PCDHGA5: variants seen among roughly 807,000 people sequenced by gnomAD.
PCDHGA5 encodes protocadherin gamma subfamily A, 5.
PCDHGA5 carries 36 observed loss-of-function variants against 56.7 expected under a neutral mutation model. That is an observed-to-expected ratio of 0.64 (90% confidence interval 0.49 to 0.84). The LOEUF (loss-of-function observed/expected upper bound fraction) is 0.84. PCDHGA5 is among the 40% of genes least tolerant of loss of function. The pLI is 0.00. For missense variants in PCDHGA5, 1,305 were observed against 1,201.5 expected (o/e 1.09, Z -1.27); for synonymous variants, 563 against 520.2 (o/e 1.08, Z -1.12).
At chr5:141,372,217 T>C (rs1267940459) in intron 1 of PCDHGA5, 1 of 1,613,446 alleles carries the variant, frequency 6.2e-7, no homozygotes, top group African/African-American at 1.3e-5. Context: ...TCCTACCACA[T>C]TGTGCAGGCC....
At chr5:141,452,554 G>A (rs2098744143) in intron 1 of PCDHGA5, among the ~76,000 whole-genome samples, 1 of 152,140 alleles carries the variant, frequency 6.6e-6, no homozygotes, top group Admixed American at 6.5e-5. Context: ...TCCAGTTCTG[G>A]TTCTTCCTAG....
At chr5:141,409,972 G>A in intron 1 of PCDHGA5, 1 of 1,613,374 alleles carries the variant, frequency 6.2e-7, no homozygotes, top group South Asian at 1.1e-5. Context: ...TAGTGACTAA[G>A]GTGGTAGCGG....
At chr5:141,465,894 G>A (rs970043849) in intron 1 of PCDHGA5, among the ~76,000 whole-genome samples, 1 of 152,098 alleles carries the variant, frequency 6.6e-6, no homozygotes, top group Non-Finnish European at 1.5e-5. Flanking sequence ...AGGCCGAGGC[G>A]GGCAAATCAC....
intron 1 of PCDHGA5, chr5:141,412,746 C>T (rs2095574250): frequency 6.5e-6 from 1 of 154,106 alleles, no homozygotes; most frequent in Non-Finnish European, 1.4e-5. Context: ...ATATATTTAA[C>T]CAAACATTAT....
chr5:141,428,587 G>C (rs914718913), intron 1 of PCDHGA5: 6 of 226,650 alleles, frequency 2.6e-5, no homozygotes, highest in Non-Finnish European at 5.3e-5. Flanking sequence ...AGTTTCTCTG[G>C]TAGCAAGCTT....
intron 1 of PCDHGA5, chr5:141,415,519 A>T: frequency 1.9e-6 from 3 of 1,614,182 alleles, no homozygotes; most frequent in Non-Finnish European, 2.5e-6. Context: ...TTATGCGGAC[A>T]CGCTCATCAG....
chr5:141,393,498 C>T lies in PCDHGA5; in HGVS notation c.2421+26747C>T, dbSNP rs780199451. The T allele has an allele frequency of 3.1e-6, 5 of 1,613,952 alleles. No homozygotes were observed. The highest frequency in any genetic ancestry group is 1.6e-4 in the Middle Eastern group (1 of 6,084). ...GCCTCGCTCTAGCACAGTGCGCATC[C>T]ACGTGACAGTGTTGGATACAAATGA... On this transcript the variant is annotated intron_variant, in intron 1 of 3. Transcript: ENST00000518069.
At position 141,390,023 on chromosome 5, in the gene PCDHGA5, G is replaced by C. The variant is rs2092020127; in HGVS notation, c.2421+23272G>C. ...TGATTCTGGCCATTGCCTTGCGCCT[G>C]CGACGCTCCTCCAGCCCCGCCTCCT... On this transcript the variant is annotated intron_variant, in intron 1 of 3. Transcript: ENST00000518069. The C allele has an allele frequency of 1.9e-6, 3 of 1,613,908 alleles. No individual in the cohort carries two copies. In the African/African-American group the frequency reaches 4.0e-5, roughly 22 times the overall value.
At chr5:141,494,772 G>C in intron 1 of PCDHGA5, 35 bp from the exon 2 acceptor site, 1 of 1,613,982 alleles carries the variant, frequency 6.2e-7, no homozygotes, top group Non-Finnish European at 8.5e-7. Context: ...ACTTCTCACG[G>C]GTACTCAGCC....
intron 1 of PCDHGA5, chr5:141,410,118 G>C: frequency 1.2e-6 from 2 of 1,612,422 alleles, no homozygotes; most frequent in African/African-American, 2.7e-5. Flanking sequence ...GACGCAGCCC[G>C]CCAGCGCCTG....
At chr5:141,371,687 G>T in intron 1 of PCDHGA5, 1 of 1,614,014 alleles carries the variant, frequency 6.2e-7, no homozygotes, top group Non-Finnish European at 8.5e-7. Flanking sequence ...GCAATCCACC[G>T]CTCTCCTCCA....
At chr5:141,376,518 T>G in intron 1 of PCDHGA5, 1 of 1,613,924 alleles carries the variant, frequency 6.2e-7, no homozygotes, top group Non-Finnish European at 8.5e-7. Context: ...GTGAGTTTCT[T>G]TCCGCCTAAG....
chr5:141,503,654 G>C (rs1248501987), intron 2 of PCDHGA5, among the ~76,000 whole-genome samples: 1 of 150,388 alleles, frequency 6.6e-6, no homozygotes, highest in Non-Finnish European at 1.5e-5. Flanking sequence ...AATGGAAACA[G>C]AATTACAACT....
rs1241912384 is a variant in PCDHGA5 at position 141,404,765 on chromosome 5, T to C, written c.2421+38014T>C. ...AGACTCAGGCCAGAATGCTTGGCTC[T>C]CCTACCGCCTATTCAAGGCCAGTGA... On this transcript the variant is annotated intron_variant, in intron 1 of 3. Coordinates refer to ENST00000518069, the MANE Select transcript of PCDHGA5 (RefSeq NM_018918.3). 2.5e-6 allele frequency: 4 copies of C among 1,613,120 alleles called. No individual in the cohort carries two copies. The Admixed American group carries it at 6.7e-5, about 27-fold the overall frequency.
chr5:141,386,917 T>C (rs535277219), intron 1 of PCDHGA5, among the ~76,000 whole-genome samples: 1 of 152,302 alleles, frequency 6.6e-6, no homozygotes, highest in Non-Finnish European at 1.5e-5. Flanking sequence ...CCAAGGAATG[T>C]AAAATAAGTG....
chr5:141,376,421 A>C (rs765897100), intron 1 of PCDHGA5: 1 of 1,614,248 alleles, frequency 6.2e-7, no homozygotes, highest in Non-Finnish European at 8.5e-7. Flanking sequence ...CGACACGCTT[A>C]TCAACCAGGA....
chr5:141,421,834 C>A, intron 1 of PCDHGA5: 2 of 1,613,748 alleles, frequency 1.2e-6, no homozygotes. Flanking sequence ...AAGCCTGGAC[C>A]GAGAGAAAGA....
rs371690754 is a variant in PCDHGA5 at position 141,388,891 on chromosome 5, T to C, written c.2421+22140T>C. 1.9e-5 allele frequency: 31 copies of C among 1,613,872 alleles called. No individual in the cohort carries two copies. Among genetic ancestry groups the C allele is most frequent in the Middle Eastern group, 1.6e-4 (1 of 6,062 alleles). On this transcript the variant is annotated intron_variant, in intron 1 of 3. Coordinates refer to ENST00000518069, the MANE Select transcript of PCDHGA5 (RefSeq NM_018918.3). ...CAATGCACAGTGGAGGTAGAAGTCA[T>C]AGATGAAAATGACAACGCCCCAGAA... is the stretch of plus-strand genomic sequence containing the variant.
chr5:141,432,386 A>C lies in PCDHGA5; in HGVS notation c.2422-62421A>C. 1 of 1,614,204 alleles carries C rather than the reference A, an allele frequency of 6.2e-7. No homozygotes were observed. Among genetic ancestry groups the C allele is most frequent in the Non-Finnish European group, 8.5e-7 (1 of 1,180,032 alleles). ...GCGGGACAACGGGCACCCGCCCCTC[A>C]GCAGCAACGTGTCGTTGAGCCTGTT... On this transcript the variant is annotated intron_variant, in intron 1 of 3. Transcript: ENST00000518069. This position sits in a 1 kb window ranked among gnomAD's most constrained non-coding sequence, Gnocchi z 6.0.
Sources: gnomAD v4.1 joint callset for allele counts (sites outside exome capture counted in the v4.1 genomes callset) on GRCh38, gnomAD v4.1.1 for gene constraint, Gnocchi (gnomAD v3.1) non-coding constraint, MANE v1.5 for transcripts, NCBI Gene and HGNC (gene_info 2026-07-23, HGNC 2026-07-21) for gene names.